The following E2F7 variants were observed in gnomAD, a reference collection of about 807,000 sequenced individuals.
E2F7 encodes the protein transcription factor E2F7.
A neutral mutation model predicts 81.1 loss-of-function variants in E2F7; 35 were observed. The ratio of observed to expected loss-of-function variants is 0.43; its 90% CI spans 0.33 to 0.57. The LOEUF (loss-of-function observed/expected upper bound fraction) is 0.57, where lower values mean the gene tolerates loss of function less well. E2F7 is among the 20% of genes least tolerant of loss of function. E2F7 has a pLI of 0.04. For missense variants in E2F7, 961 were observed against 1,093.7 expected (o/e 0.88, Z 1.71); for synonymous variants, 416 against 416.2 (o/e 1.00, Z 0.01).
Position 77,064,602 on chromosome 12 carries a change from T to G in E2F7, c.34A>C (p.Ile12Leu), listed in dbSNP as rs1390582402. The G allele has an allele frequency of 1.2e-6, 2 of 1,614,160 alleles. No individual in the cohort carries two copies. Among genetic ancestry groups the G allele is most frequent in the South Asian group, 1.1e-5 (1 of 91,060 alleles). Residue 12 changes from isoleucine to leucine, a missense_variant, in exon 2 of 13, where the codon ATC becomes CTC. Physicochemically the swap from Ile to Leu is conservative, Grantham distance 5. This residue lies in a region of E2F7 where 73 missense variants were observed against 68.4 expected (regional missense o/e 1.07). Transcript: ENST00000322886. ...TCTAGTCTGGGCTGCCTGGGGCTGA[T>G]CAGGTCTTTTAGTGTTAAACAATTT... ...EVNCLTLKDL[I>L]SPRQPRLDFA... is the part of the protein sequence containing the mutation.
chr12:77,059,237 T>C (rs1401033341), intron 2 of E2F7, among the ~76,000 whole-genome samples: 1 of 152,036 alleles, frequency 6.6e-6, no homozygotes, highest in African/African-American at 2.4e-5. Context: ...GAAAAAAAAA[T>C]GCCAACCCAA....
intron 7 of E2F7, among the ~76,000 whole-genome samples, chr12:77,034,392 G>A (rs759408057): frequency 5.3e-5 from 8 of 152,304 alleles, no homozygotes; most frequent in Middle Eastern, 3.4e-3. Context: ...AGGAAAGCCC[G>A]ACCATGCTCA....
At chr12:77,036,227 C>T (rs906204902) in intron 7 of E2F7, among the ~76,000 whole-genome samples, 11 of 152,126 alleles carry the variant, frequency 7.2e-5, no homozygotes, top group African/African-American at 2.4e-4. Flanking sequence ...CCAAGTCATA[C>T]ATCATCAAAT....
rs944188690 is a variant in E2F7, at chr12:77,022,127, G to C, written c.*1888C>G. On this transcript the variant is annotated 3_prime_UTR_variant, in exon 13 of 13. Coordinates refer to ENST00000322886, the MANE Select transcript of E2F7 (RefSeq NM_203394.3). ...CAATTTCTGTTTCCGTCTAAATGCAGACCTCTCCATGAAATATTTTGTGGA... is the reference window on the plus strand; with the variant it reads ...CAATTTCTGTTTCCGTCTAAATGCACACCTCTCCATGAAATATTTTGTGGA... 6.6e-6 allele frequency: 1 copy of C among 152,172 alleles called. No homozygotes were observed. Among genetic ancestry groups the C allele is most frequent in the Admixed American group, 6.5e-5 (1 of 15,278 alleles). The allele number at this position is 152,172 out of a possible 1,614,324, so 9.4% of individuals were successfully genotyped here.
intron 4 of E2F7, among the ~76,000 whole-genome samples, chr12:77,048,276 C>T (rs1954959687): frequency 6.6e-6 from 1 of 152,212 alleles, no homozygotes. Context: ...TCTGTCAGAA[C>T]AGTTTTCCTT....
chr12:77,039,408 TC>T (rs1489535533), intron 7 of E2F7, among the ~76,000 whole-genome samples: 1 of 152,188 alleles, frequency 6.6e-6, no homozygotes, highest in Non-Finnish European at 1.5e-5. Context: ...TATTTGGAAA[TC>T]ATGTATCTGA....
At chr12:77,036,858 C>T (rs1361014395) in intron 7 of E2F7, among the ~76,000 whole-genome samples, 4 of 152,060 alleles carry the variant, frequency 2.6e-5, no homozygotes, top group Admixed American at 1.3e-4. Flanking sequence ...TCTCCTGCCT[C>T]AGCCTCCTGA....
intron 3 of E2F7, 146 bp downstream of exon 3, chr12:77,055,709 G>A (rs1955026081): frequency 3.6e-6 from 3 of 840,580 alleles, no homozygotes; most frequent in Non-Finnish European, 5.2e-6. Flanking sequence ...GATAGAATGA[G>A]AATTCTACTA....
At position 77,024,241 on chromosome 12, in the gene E2F7, A is replaced by G. The variant is rs770477145; in HGVS notation, c.2566-56T>C. 217 of 1,551,892 alleles carry G rather than the reference A, an allele frequency of 1.4e-4. 1 individual carries two copies. Among genetic ancestry groups the G allele is most frequent in the Admixed American group, 1.4e-4 (7 of 49,916 alleles). On this transcript the variant is annotated intron_variant, in intron 12 of 12. Transcript: ENST00000322886. ...GAAGTCATATTGTTTCTGATCTCTG[A>G]GTAGAAAGGCAGCCCTTTCTTGACC... is the stretch of plus-strand genomic sequence containing the variant.
At position 77,064,663 on chromosome 12, in the gene E2F7, G is replaced by T. The variant is rs78951362; in HGVS notation, c.1-28C>A. 1.8e-3 allele frequency: 2,918 copies of T among 1,591,792 alleles called. 55 individuals carry two copies. The African/African-American group carries it at 0.035, about 19-fold the overall frequency. Reference sequence around the variant, plus strand: ...GTAATGCACAATTACACTAGAAAATGATTTTGCAATTAGGTATTTTTTCCT... The same window carrying T: ...GTAATGCACAATTACACTAGAAAATTATTTTGCAATTAGGTATTTTTTCCT... On this transcript the variant is annotated intron_variant, in intron 1 of 12. Coordinates refer to ENST00000322886, the MANE Select transcript of E2F7 (RefSeq NM_203394.3).
chr12:77,058,856 T>G (rs1447154679), intron 2 of E2F7, among the ~76,000 whole-genome samples: 1 of 152,218 alleles, frequency 6.6e-6, no homozygotes, highest in African/African-American at 2.4e-5. Flanking sequence ...ACTTCCAGGA[T>G]GTGTGTCTTG....
Position 77,024,115 on chromosome 12 carries a change from CT to C in E2F7, c.2635del (p.Ser879AlafsTer7), listed in dbSNP as rs756544506. The C allele has an allele frequency of 1.1e-5, 17 of 1,614,028 alleles. No homozygotes were observed. The South Asian group carries it at 1.9e-4, about 18-fold the overall frequency. On this transcript the variant is annotated frameshift_variant, in exon 13 of 13. Coordinates refer to ENST00000322886, the MANE Select transcript of E2F7 (RefSeq NM_203394.3). LOFTEE classifies it high-confidence loss of function. ...HRETFFKTPG[S>X]LGDPVLKRRE... is the part of the protein sequence containing the mutation. ...TCTCTTCAGGACAGGGTCTCCAAGG[CT>C]GCCGGGTGTCTTGAAAAACGTCTCA... is the stretch of plus-strand genomic sequence containing the variant.
intron 5 of E2F7, among the ~76,000 whole-genome samples, chr12:77,045,169 C>T (rs1018158842): frequency 1.3e-5 from 2 of 152,184 alleles, no homozygotes; most frequent in Non-Finnish European, 2.9e-5. Flanking sequence ...AGAGCCTCAA[C>T]TCTCCTCTCA....
At position 77,050,557 on chromosome 12, in the gene E2F7, G is replaced by A; in HGVS notation, c.538+19C>T. 1 of 1,611,078 alleles carries A rather than the reference G, an allele frequency of 6.2e-7. No individual in the cohort carries two copies. Among genetic ancestry groups the A allele is most frequent in the Non-Finnish European group, 8.5e-7 (1 of 1,177,830 alleles). On this transcript the variant is annotated intron_variant, in intron 4 of 12. Transcript: ENST00000322886. ...ACTGTAACTGGAGACAGACCTCCAG[G>A]TAATCTGATGATACATACCAAGACT...
intron 7 of E2F7, among the ~76,000 whole-genome samples, chr12:77,042,457 G>A (rs1171532404): frequency 6.6e-6 from 1 of 152,184 alleles, no homozygotes; most frequent in Non-Finnish European, 1.5e-5. Context: ...AATAGCTGGT[G>A]CAGTTGGATC....
At chr12:77,045,461 C>T (rs1271292473) in intron 5 of E2F7, among the ~76,000 whole-genome samples, 1 of 152,144 alleles carries the variant, frequency 6.6e-6, no homozygotes, top group Non-Finnish European at 1.5e-5. Context: ...CCTTTCTTTC[C>T]ATTTCTTATA....
intron 2 of E2F7, among the ~76,000 whole-genome samples, chr12:77,060,741 G>C (rs895262533): frequency 6.6e-6 from 1 of 152,152 alleles, no homozygotes; most frequent in Non-Finnish European, 1.5e-5. Flanking sequence ...CTACATGTTA[G>C]AAAGTGTCTC....
Position 77,022,730 on chromosome 12 carries a change from A to G in E2F7, c.*1285T>C, listed in dbSNP as rs1489016737. ...AAGAGACAAGAGAGAGGTAAATATC[A>G]GCAAGTCTAGGAATACAAAGAACTA... On this transcript the variant is annotated 3_prime_UTR_variant, in exon 13 of 13. Coordinates refer to ENST00000322886, the MANE Select transcript of E2F7 (RefSeq NM_203394.3). 6.6e-6 allele frequency: 1 copy of G among 152,346 alleles called. No homozygotes were observed. Among genetic ancestry groups the G allele is most frequent in the Non-Finnish European group, 1.5e-5 (1 of 68,016 alleles). 9.4% of individuals were successfully genotyped at this position (152,346 alleles called of 1,614,324 possible). A position where few individuals can be genotyped will look rare whatever the true frequency, so the allele number is the denominator to read the frequency against.
rs375792994 is a variant in E2F7 at position 77,029,858 on chromosome 12, G to A, written c.1857C>T (p.Asp619=). The A allele has an allele frequency of 2.7e-5, 43 of 1,614,226 alleles. No individual in the cohort carries two copies. The highest frequency in any genetic ancestry group is 2.5e-4 in the South Asian group (23 of 91,090). The part of the protein sequence containing the change: ...ATKRQSREYE[D]GPLSLVMPKK... ...TGGGCATGACAAGCGACAGCGGGCC[G>A]TCTTCATATTCCCTACTTTGCCTTT... is the stretch of plus-strand genomic sequence containing the variant. The change falls in exon 10 of 13, where the codon GAC becomes GAT. Residue 619 remains aspartate, a synonymous_variant. Coordinates refer to ENST00000322886, the MANE Select transcript of E2F7 (RefSeq NM_203394.3).
Sources: gnomAD v4.1 joint callset for allele counts (sites outside exome capture counted in the v4.1 genomes callset) on GRCh38, gnomAD v4.1.1 for gene constraint, gnomAD v4.1.1 regional missense constraint, MANE v1.5 for transcripts, NCBI Gene and HGNC (gene_info 2026-07-23, HGNC 2026-07-21) for gene names.